The following CNTN3 variants were observed in gnomAD, a reference collection of about 807,000 sequenced individuals.
The protein encoded by CNTN3 is contactin 3.
Under a neutral mutation model 119.1 loss-of-function variants are expected in CNTN3, and 60 were observed. That is an observed-to-expected ratio of 0.50 (90% CI 0.41 to 0.62). The LOEUF is 0.62. CNTN3 is among the 20% of genes least tolerant of loss of function. The probability of loss-of-function intolerance (pLI) is 0.00; values close to 1 mark genes in which losing one functional copy is unlikely to be tolerated. For synonymous variants in CNTN3, 450 were observed against 438.7 expected, an observed-to-expected ratio of 1.03 and a Z score of -0.32; for missense variants, 1,101 against 1,242.4, an observed-to-expected ratio of 0.89 and a Z score of 1.71.
At chr3:74,490,081 T>C (rs1702934791) in intron 3 of CNTN3, among the ~76,000 whole-genome samples, 1 of 152,192 alleles carries the variant, frequency 6.6e-6, no homozygotes, top group South Asian at 2.1e-4. Context: ...CTTCCACCTA[T>C]GGCTGGATGA....
intron 8 of CNTN3, among the ~76,000 whole-genome samples, 175 bp from the exon 9 acceptor site, chr3:74,365,877 G>C (rs1207878308): frequency 6.6e-6 from 1 of 152,060 alleles, no homozygotes; most frequent in African/African-American, 2.4e-5. Context: ...CTACTCATTG[G>C]CTGTATGAAA....
intron 2 of CNTN3, among the ~76,000 whole-genome samples, chr3:74,516,514 C>T (rs6549619): frequency 0.99 from 149,321 of 150,738 alleles, 74,072 homozygotes; most frequent in Middle Eastern, 1. Context: ...ATATAATACA[C>T]ATAACATACC....
At chr3:74,575,934 C>G (rs967318351) in intron 1 of CNTN3, among the ~76,000 whole-genome samples, 1 of 151,946 alleles carries the variant, frequency 6.6e-6, no homozygotes, top group Non-Finnish European at 1.5e-5. Context: ...AAAGGATGGC[C>G]GACCTGGAAC....
chr3:74,304,736 A>T (rs1702525696), intron 13 of CNTN3, among the ~76,000 whole-genome samples: 1 of 152,198 alleles, frequency 6.6e-6, no homozygotes, highest in Admixed American at 6.5e-5. Context: ...TTCCTAAAGA[A>T]ATGTAGTCAG....
chr3:74,328,532 G>C (rs1703183725), intron 13 of CNTN3, among the ~76,000 whole-genome samples: 1 of 152,064 alleles, frequency 6.6e-6, no homozygotes, highest in African/African-American at 2.4e-5. Flanking sequence ...GTCACATGTT[G>C]CTTGTTTTGA....
chr3:74,368,731 T>C (rs116269080), intron 8 of CNTN3, among the ~76,000 whole-genome samples: 3,902 of 151,200 alleles, frequency 0.026, 75 homozygotes, highest in African/African-American at 0.061. Flanking sequence ...AGAATAACAC[T>C]GAAGAACTCA....
intron 3 of CNTN3, 74 bp downstream of exon 3, chr3:74,499,585 C>CA (rs571265627): frequency 2.1e-4 from 289 of 1,398,720 alleles, no homozygotes; most frequent in South Asian, 3.6e-4. Flanking sequence ...TATATTGAAG[C>CA]AAAAAAAAAT....
chr3:74,275,409 G>T (rs893451407), intron 20 of CNTN3, among the ~76,000 whole-genome samples: 1 of 152,146 alleles, frequency 6.6e-6, no homozygotes, highest in African/African-American at 2.4e-5. Flanking sequence ...AAAGCACCAG[G>T]TAACCTATAA....
At chr3:74,416,071 C>A (rs1212210044) in intron 5 of CNTN3, among the ~76,000 whole-genome samples, 1 of 152,132 alleles carries the variant, frequency 6.6e-6, no homozygotes, top group Non-Finnish European at 1.5e-5. Flanking sequence ...TTAACTTTTT[C>A]CTCCTCAACC....
intron 4 of CNTN3, among the ~76,000 whole-genome samples, chr3:74,477,546 G>T (rs1702680549): frequency 6.6e-6 from 1 of 152,090 alleles, no homozygotes; most frequent in African/African-American, 2.4e-5. Context: ...AAACTCATGG[G>T]CTTAAATAAG....
intron 5 of CNTN3, among the ~76,000 whole-genome samples, chr3:74,384,484 T>A (rs1228989646): frequency 6.6e-6 from 1 of 152,250 alleles, no homozygotes; most frequent in Non-Finnish European, 1.5e-5. Context: ...GGAATTCTAA[T>A]CTGTTTGATA....
intron 2 of CNTN3, among the ~76,000 whole-genome samples, chr3:74,506,728 C>T (rs1410710742): frequency 1.2e-5 from 1 of 85,036 alleles, no homozygotes; most frequent in South Asian, 5.7e-4. Context: ...GTCAATGGTC[C>T]ATTTATCTGA....
chr3:74,396,641 G>T (rs1459679272), intron 5 of CNTN3, among the ~76,000 whole-genome samples: 1 of 151,648 alleles, frequency 6.6e-6, no homozygotes, highest in Non-Finnish European at 1.5e-5. Context: ...AGCTACTGGG[G>T]AGGCTGAGGC....
chr3:74,582,954 C>T (rs1704537994), intron 1 of CNTN3, among the ~76,000 whole-genome samples: 1 of 152,134 alleles, frequency 6.6e-6, no homozygotes, highest in Non-Finnish European at 1.5e-5. Flanking sequence ...TTTTAATTTA[C>T]AGAAGTGACT....
intron 2 of CNTN3, among the ~76,000 whole-genome samples, chr3:74,501,651 G>A (rs1703168299): frequency 6.6e-6 from 1 of 151,938 alleles, no homozygotes; most frequent in Non-Finnish European, 1.5e-5. Flanking sequence ...GCTGACTCGG[G>A]GCAACTTTGC....
At chr3:74,275,543 G>A (rs770724216) in intron 20 of CNTN3, among the ~76,000 whole-genome samples, 1 of 152,060 alleles carries the variant, frequency 6.6e-6, no homozygotes, top group Non-Finnish European at 1.5e-5. Context: ...TGTATCCAGC[G>A]AAACTAAGCA....
intron 1 of CNTN3, among the ~76,000 whole-genome samples, chr3:74,545,110 T>C (rs1225176365): frequency 6.6e-6 from 1 of 152,170 alleles, no homozygotes; most frequent in Non-Finnish European, 1.5e-5. Flanking sequence ...AGGTTAATGT[T>C]TCAAATACCC....
chr3:74,576,827 A>T (rs959684992), intron 1 of CNTN3, among the ~76,000 whole-genome samples: 1 of 152,152 alleles, frequency 6.6e-6, no homozygotes, highest in Non-Finnish European at 1.5e-5. Context: ...AATTCAAATA[A>T]AGCCTTAAAT....
chr3:74,430,936 G>T (rs1426112776), intron 4 of CNTN3, among the ~76,000 whole-genome samples: 5 of 152,094 alleles, frequency 3.3e-5, no homozygotes, highest in Non-Finnish European at 7.4e-5. Flanking sequence ...CTGGCCATCA[G>T]CTGTGTGTGC....
Sources: allele counts gnomAD v4.1 joint callset (sites outside exome capture counted in the v4.1 genomes callset), GRCh38; gene constraint gnomAD v4.1.1; transcripts MANE v1.5; gene names NCBI Gene and HGNC (gene_info 2026-07-23, HGNC 2026-07-21).